The following ZNF581 variants were observed in gnomAD, a reference collection of about 807,000 sequenced individuals.
ZNF581 encodes zinc finger protein 581.
A neutral mutation model predicts 1.2 loss-of-function variants in ZNF581; 1 was observed. The ratio of observed to expected loss-of-function variants is 0.83; its 90% CI spans 0.30 to 3.95. The LOEUF is 3.95. Ranked by LOEUF, ZNF581 falls within the 30% of genes most tolerant of loss-of-function variation. The pLI, the probability that ZNF581 is intolerant of heterozygous loss-of-function variation, is 0.18. For missense variants in ZNF581, 273 were observed against 274.6 expected (o/e 0.99, Z 0.04); for synonymous variants, 105 against 109.2 (o/e 0.96, Z 0.24).
upstream of ZNF581, among the ~76,000 whole-genome samples, chr19:55,638,036 G>A (rs188820042): frequency 2.0e-5 from 3 of 152,330 alleles, no homozygotes; most frequent in Admixed American, 1.3e-4. Flanking sequence ...CTCTATGAGT[G>A]AATACCTGAG....
At chr19:55,640,538 C>T (rs1020828522), upstream of ZNF581, 31 of 985,370 alleles carry the variant, frequency 3.1e-5, no homozygotes, top group Non-Finnish European at 3.4e-5. Flanking sequence ...AACATACCTT[C>T]CCCAACTATC....
upstream of ZNF581, among the ~76,000 whole-genome samples, chr19:55,639,022 A>G (rs971684919): frequency 5.3e-5 from 8 of 150,426 alleles, no homozygotes; most frequent in Non-Finnish European, 3.0e-5. Context: ...AAAAAAAAAA[A>G]AAGAAAAAAA....
At chr19:55,640,569 C>T (rs1280439292), upstream of ZNF581, 3 of 985,376 alleles carry the variant, frequency 3.0e-6, no homozygotes, top group African/African-American at 1.7e-5. Context: ...TGGCCTTCTC[C>T]GGGCCTCGGC....
chr19:55,640,227 C>T (rs968126519), upstream of ZNF581: 3 of 985,476 alleles, frequency 3.0e-6, no homozygotes, highest in Non-Finnish European at 3.6e-6. Flanking sequence ...GCGTGTGCAG[C>T]TCTCCAGTGC....
chr19:55,645,499 G>A lies in ZNF581; in HGVS notation c.*334G>A, dbSNP rs1311038560. 2 of 245,140 alleles carry A rather than the reference G, an allele frequency of 8.2e-6. No individual in the cohort carries two copies. Among genetic ancestry groups the A allele is most frequent in the Admixed American group, 5.7e-5 (1 of 17,680 alleles). 15.2% of individuals were successfully genotyped at this position (245,140 alleles called of 1,614,324 possible). On this transcript the variant is annotated 3_prime_UTR_variant, in exon 2 of 2. Transcript: ENST00000270451. ...GCCTCATAAAAGGTGGCTGTGGGTC[G>A]TCAGGAATCTGCGCCATCTTCCTGG...
upstream of ZNF581, among the ~76,000 whole-genome samples, chr19:55,636,384 T>C (rs1411378599): frequency 6.6e-6 from 1 of 152,032 alleles, no homozygotes; most frequent in Non-Finnish European, 1.5e-5. Context: ...TCCAAAGTTC[T>C]AGATGGTGTG....
At chr19:55,642,486 G>A, upstream of ZNF581, 3 of 1,420,122 alleles carry the variant, frequency 2.1e-6, no homozygotes, top group South Asian at 1.7e-5. Flanking sequence ...TCTCCCCTCC[G>A]CCGCTCCCAG....
upstream of ZNF581, among the ~76,000 whole-genome samples, chr19:55,637,026 G>A (rs1399842383): frequency 1.3e-5 from 2 of 152,110 alleles, no homozygotes; most frequent in Non-Finnish European, 2.9e-5. Context: ...TGATCATGAC[G>A]CACTGCAGTC....
upstream of ZNF581, among the ~76,000 whole-genome samples, chr19:55,637,116 AATT>A (rs767228859): frequency 3.3e-5 from 5 of 151,072 alleles, no homozygotes; most frequent in Admixed American, 6.6e-5. Context: ...ACCTCTGCCT[AATT>A]ATTATTATCA....
upstream of ZNF581, chr19:55,642,958 C>T: frequency 1.4e-6 from 2 of 1,418,500 alleles, no homozygotes; most frequent in South Asian, 1.6e-5. Context: ...GGCCGCCGCA[C>T]ACCTGCCCGC....
chr19:55,645,035 G>T lies in ZNF581; in HGVS notation c.464G>T (p.Arg155Leu). The T allele has an allele frequency of 6.3e-7, 1 of 1,588,686 alleles. No individual in the cohort carries two copies. Residue 155 changes from arginine to leucine, a missense_variant, in exon 2 of 2, where the codon CGG (arginine) becomes CTG (leucine). Arg to Leu is a moderately radical substitution (Grantham distance 102). Transcript: ENST00000270451. The part of the protein sequence containing the change: ...HGCPLCPRRF[R>L]DAGELAQHSR... The stretch of plus-strand genomic sequence containing the variant: ...TGCCCGCTCTGCCCTCGCCGCTTCC[G>T]GGATGCGGGTGAGCTGGCCCAGCAC...
rs1250939792 is a variant in ZNF581 at position 55,644,947 on chromosome 19, C to T, written c.376C>T (p.Arg126Cys). ...TGACATCTGTGGGAAGGCATTCAAG[C>T]GCGCCAGCCACTTGGCACGGCACCA... The part of the protein sequence containing the change: ...ECDICGKAFK[R>C]ASHLARHHSI... Residue 126 changes from arginine to cysteine, a missense_variant, in exon 2 of 2, where the codon CGC becomes TGC. Physicochemically the swap from Arg to Cys is radical, Grantham distance 180. Transcript: ENST00000270451. The surrounding 1 kb of genome is among the most constrained non-coding windows in gnomAD (Gnocchi z 4.3). 5 of 1,612,940 alleles carry T rather than the reference C, an allele frequency of 3.1e-6. No homozygotes were observed. The highest frequency in any genetic ancestry group is 2.2e-5 in the East Asian group (1 of 44,854).
At position 55,645,169 on chromosome 19, in the gene ZNF581, G is replaced by T. The variant is rs759847195; in HGVS notation, c.*4G>T. 2.1e-5 allele frequency: 32 copies of T among 1,512,774 alleles called. No individual in the cohort carries two copies. In the African/African-American group the frequency reaches 2.9e-4, roughly 14 times the overall value. 93.7% of individuals were successfully genotyped at this position (1,512,774 alleles called of 1,614,324 possible). A position where few individuals can be genotyped will look rare whatever the true frequency, so the allele number is the denominator to read the frequency against. On this transcript the variant is annotated 3_prime_UTR_variant, in exon 2 of 2. Coordinates refer to ENST00000270451, the MANE Select transcript of ZNF581 (RefSeq NM_016535.4). ...CACGCGGTGGAAGCATCCATGAGCC[G>T]GGCTGCCGGGTGCCCCAGGTACCAC... is the stretch of plus-strand genomic sequence containing the variant.
chr19:55,640,088 G>C, upstream of ZNF581: 2 of 980,408 alleles, frequency 2.0e-6, no homozygotes, highest in Non-Finnish European at 2.4e-6. Flanking sequence ...CTTGGGGCTC[G>C]CTGTGACAGT....
upstream of ZNF581, among the ~76,000 whole-genome samples, chr19:55,639,632 T>G (rs1219039314): frequency 6.6e-6 from 1 of 152,136 alleles, no homozygotes; most frequent in Non-Finnish European, 1.5e-5. Context: ...AAATTAGTAT[T>G]TTTTGAGACA....
upstream of ZNF581, among the ~76,000 whole-genome samples, chr19:55,641,531 GAGAA>G: frequency 6.6e-6 from 1 of 152,304 alleles, no homozygotes; most frequent in South Asian, 2.1e-4. Context: ...TGAACACGAG[GAGAA>G]AGAGAGATGC....
chr19:55,643,928 A>C (rs1207131773), intron 1 of ZNF581, 154 bp downstream of exon 1: 1 of 152,590 alleles, frequency 6.6e-6, no homozygotes, highest in Non-Finnish European at 1.5e-5. Flanking sequence ...AGAAAGGCCC[A>C]GAAAGCGAGG....
At chr19:55,640,897 C>A, upstream of ZNF581, 1 of 985,384 alleles carries the variant, frequency 1.0e-6, no homozygotes, top group Non-Finnish European at 1.2e-6. Context: ...GTGGACCCCA[C>A]GCCTCCGGTC....
upstream of ZNF581, chr19:55,642,258 C>T: frequency 8.1e-7 from 1 of 1,233,416 alleles, no homozygotes; most frequent in South Asian, 3.4e-5. Flanking sequence ...GAGAGGTGGA[C>T]CCAGGAGGAG....
Sources: allele counts gnomAD v4.1 joint callset (sites outside exome capture counted in the v4.1 genomes callset), GRCh38; gene constraint gnomAD v4.1.1; non-coding constraint Gnocchi (gnomAD v3.1); transcripts MANE v1.5; gene names NCBI Gene and HGNC (gene_info 2026-07-23, HGNC 2026-07-21).